ENTREP2: variants seen among roughly 807,000 people sequenced by gnomAD.
ENTREP2 encodes the protein endosomal transmembrane epsin interactor 2.
the ENTREP2 span, among the ~76,000 whole-genome samples, chr15:29,615,037 G>C: frequency 6.6e-6 from 1 of 152,194 alleles, no homozygotes; most frequent in African/African-American, 2.4e-5. Flanking sequence ...CCAATTCTCA[G>C]GTTCAGGGGA....
chr15:29,223,780 C>G, the ENTREP2 span, among the ~76,000 whole-genome samples: 1 of 152,108 alleles, frequency 6.6e-6, no homozygotes. Context: ...GCAGCCCTTT[C>G]CCCAGTCCCT....
the ENTREP2 span, among the ~76,000 whole-genome samples, chr15:29,456,310 G>C: frequency 1.3e-5 from 2 of 152,150 alleles, no homozygotes; most frequent in Admixed American, 1.3e-4. Flanking sequence ...TTCCACTGAG[G>C]CATGGCAGGA....
chr15:29,454,134 C>T, the ENTREP2 span, among the ~76,000 whole-genome samples: 5 of 152,152 alleles, frequency 3.3e-5, no homozygotes, highest in Non-Finnish European at 7.3e-5. Flanking sequence ...TATGAGACTG[C>T]ACCAGTTTGG....
the ENTREP2 span, among the ~76,000 whole-genome samples, chr15:29,221,917 C>T: frequency 3.3e-5 from 5 of 152,122 alleles, no homozygotes; most frequent in Non-Finnish European, 7.3e-5. Flanking sequence ...GTCAAGTTAA[C>T]TTGGGAAAAC....
the ENTREP2 span, among the ~76,000 whole-genome samples, chr15:29,445,202 G>A: frequency 1.2e-4 from 19 of 152,164 alleles, no homozygotes; most frequent in Non-Finnish European, 2.6e-4. Context: ...CGAGATACTG[G>A]GATTTACAAG....
At chr15:29,410,935 G>A in the ENTREP2 span, among the ~76,000 whole-genome samples, 1 of 152,054 alleles carries the variant, frequency 6.6e-6, no homozygotes, top group Non-Finnish European at 1.5e-5. Flanking sequence ...ACAGGCGTGC[G>A]CCACCGCGCC....
chr15:29,672,534 G>A, the ENTREP2 span, among the ~76,000 whole-genome samples: 1 of 152,034 alleles, frequency 6.6e-6, no homozygotes, highest in Admixed American at 6.6e-5. Context: ...CCTCAACCAG[G>A]GAGCTTCTGG....
chr15:29,655,503 A>G, the ENTREP2 span, among the ~76,000 whole-genome samples: 2 of 151,856 alleles, frequency 1.3e-5, no homozygotes, highest in African/African-American at 2.4e-5. Context: ...CAAGACACAC[A>G]AGAAAGCAAC....
the ENTREP2 span, among the ~76,000 whole-genome samples, chr15:29,281,735 C>T: frequency 1.8e-4 from 27 of 152,364 alleles, no homozygotes; most frequent in African/African-American, 6.3e-4. Flanking sequence ...GTTTGTATCA[C>T]TTGCAGCCAA....
the ENTREP2 span, among the ~76,000 whole-genome samples, chr15:29,559,769 G>A: frequency 6.6e-6 from 1 of 152,134 alleles, no homozygotes; most frequent in African/African-American, 2.4e-5. Context: ...CATAATCCAG[G>A]ATAGTCTCCC....
chr15:29,491,514 T>C, the ENTREP2 span, among the ~76,000 whole-genome samples: 5 of 152,156 alleles, frequency 3.3e-5, no homozygotes, highest in Non-Finnish European at 7.4e-5. Context: ...TAAGTTCCAA[T>C]CTGGTGAGCC....
chr15:29,673,497 G>T, the ENTREP2 span, among the ~76,000 whole-genome samples: 1 of 152,146 alleles, frequency 6.6e-6, no homozygotes, highest in Non-Finnish European at 1.5e-5. Context: ...ATCCCATGTG[G>T]TGCCAGCTGA....
chr15:29,269,760 G>A, the ENTREP2 span: 3 of 1,406,038 alleles, frequency 2.1e-6, no homozygotes, highest in Middle Eastern at 2.1e-4. Context: ...CCGCGGCGGG[G>A]ATTGCGGGTC....
At chr15:29,604,070 G>T in the ENTREP2 span, among the ~76,000 whole-genome samples, 1 of 152,168 alleles carries the variant, frequency 6.6e-6, no homozygotes, top group Non-Finnish European at 1.5e-5. Context: ...TTTATGACGA[G>T]GGAAACGGTC....
the ENTREP2 span, among the ~76,000 whole-genome samples, chr15:29,328,874 G>A: frequency 1.3e-5 from 2 of 152,140 alleles, no homozygotes; most frequent in East Asian, 3.9e-4. Flanking sequence ...GTATATACAT[G>A]TGTTGGTATA....
chr15:29,591,997 A>G, the ENTREP2 span, among the ~76,000 whole-genome samples: 2 of 152,158 alleles, frequency 1.3e-5, no homozygotes. Context: ...GGAAGGAAGG[A>G]TTCTCCCCAA....
chr15:29,505,696 CAGAA>C, the ENTREP2 span, among the ~76,000 whole-genome samples: 3 of 152,162 alleles, frequency 2.0e-5, no homozygotes, highest in Non-Finnish European at 4.4e-5. The surrounding 1 kb of genome is among the most constrained non-coding windows in gnomAD (Gnocchi z 4.3). Context: ...AACTAACAAA[CAGAA>C]AGCAATAGCA....
the ENTREP2 span, among the ~76,000 whole-genome samples, chr15:29,655,846 A>G: frequency 6.6e-6 from 1 of 152,060 alleles, no homozygotes. Flanking sequence ...CCAACATGGC[A>G]AAACTCTGTC....
chr15:29,345,697 C>A, the ENTREP2 span, among the ~76,000 whole-genome samples: 10 of 151,968 alleles, frequency 6.6e-5, no homozygotes, highest in Non-Finnish European at 1.3e-4. Flanking sequence ...CCACATCCCC[C>A]CCAGCTCCTC....
Sources: allele counts gnomAD v4.1 joint callset (sites outside exome capture counted in the v4.1 genomes callset), GRCh38; gene constraint gnomAD v4.1.1; non-coding constraint Gnocchi (gnomAD v3.1); transcripts MANE v1.5; gene names NCBI Gene and HGNC (gene_info 2026-07-23, HGNC 2026-07-21).